The following G6PC1 variants were observed in gnomAD, a reference collection of about 807,000 sequenced individuals.
The protein encoded by G6PC1 is G-6-Pase.
G6PC1 carries 23 observed loss-of-function variants against 30.4 expected under a neutral mutation model. The ratio of observed to expected loss-of-function variants is 0.76; its 90% CI spans 0.55 to 1.07. The LOEUF is 1.07. Ranked by LOEUF, G6PC1 falls within the 50% of genes least tolerant of loss-of-function variation. G6PC1 has a pLI of 0.00. For missense variants in G6PC1, 391 were observed against 433.9 expected (o/e 0.90, Z 0.88); for synonymous variants, 163 against 175.6 (o/e 0.93, Z 0.57).
At position 42,911,373 on chromosome 17, in the gene G6PC1, ATCCCCT is replaced by A. The variant is rs745799712; in HGVS notation, c.1022_1027del (p.Ile341_Tyr343delinsAsn). 1.9e-6 allele frequency: 3 copies of A among 1,614,018 alleles called. No homozygotes were observed. In the Admixed American group the frequency reaches 5.0e-5, roughly 27 times the overall value. On this transcript the variant is annotated inframe_deletion, in exon 5 of 5. Coordinates refer to ENST00000253801, the MANE Select transcript of G6PC1 (RefSeq NM_000151.4). ...AGTGCCCCTGGCATCCGTCAGTGTC[ATCCCCT>A]ACTGCCTCGCCCAGGTCCTGGGCCA...
chr17:42,909,673 A>G lies in G6PC1; in HGVS notation c.562+255A>G, dbSNP rs993796419. On this transcript the variant is annotated intron_variant, in intron 4 of 4. Transcript: ENST00000253801. Reference sequence around the variant, plus strand: ...CCAAATTGAATTAGCTTGAAATCTCAGAGCTTTTTACAATCTTTATTTCTT... The same window carrying G: ...CCAAATTGAATTAGCTTGAAATCTCGGAGCTTTTTACAATCTTTATTTCTT... Among the ~76,000 whole-genome samples the G allele has an allele frequency of 3.3e-5, 5 of 152,212 alleles. No individual in the cohort carries two copies. The South Asian group carries it at 6.2e-4, about 19-fold the overall frequency.
Position 42,911,329 on chromosome 17 carries a change from CCTT to C in G6PC1, c.980_982del (p.Phe327del), listed in dbSNP as rs80356486. On this transcript the variant is annotated inframe_deletion, in exon 5 of 5. Transcript: ENST00000253801. Reference sequence around the variant, plus strand: ...GTCGAGCTGGTCTTCTACGTCTTGTCCTTCTGCAAGAGTGCGGTAGTGCCCCTG... The same window carrying C: ...GTCGAGCTGGTCTTCTACGTCTTGTCCTGCAAGAGTGCGGTAGTGCCCCTG... 4.3e-6 allele frequency: 7 copies of C among 1,614,100 alleles called. No individual in the cohort carries two copies. The highest frequency in any genetic ancestry group is 5.9e-6 in the Non-Finnish European group (7 of 1,180,050).
chr17:42,905,473 CACAT>C (rs1490567779), intron 2 of G6PC1, among the ~76,000 whole-genome samples: 1 of 116,236 alleles, frequency 8.6e-6, no homozygotes, highest in Admixed American at 9.5e-5. Context: ...CACACACACA[CACAT>C]ATAATACTAG....
chr17:42,903,198 T>C (rs1056409766), intron 1 of G6PC1, among the ~76,000 whole-genome samples: 11 of 151,720 alleles, frequency 7.3e-5, no homozygotes, highest in African/African-American at 2.7e-4. Flanking sequence ...TCTCTTGCCT[T>C]AGCCTCCCGA....
chr17:42,911,839 G>A lies in G6PC1; in HGVS notation c.*413G>A, dbSNP rs2056098693. ...TCTTTTACAATCCTAATCATATTGG[G>A]TAATGTTTTTGAAAAGCTAATGAAG... is the stretch of plus-strand genomic sequence containing the variant. On this transcript the variant is annotated 3_prime_UTR_variant, in exon 5 of 5. Transcript: ENST00000253801. 1 of 233,118 alleles carries A rather than the reference G, an allele frequency of 4.3e-6. No homozygotes were observed. Among genetic ancestry groups the A allele is most frequent in the African/African-American group, 2.3e-5 (1 of 43,934 alleles). 14.4% of individuals were successfully genotyped at this position (233,118 alleles called of 1,614,324 possible). A position where few individuals can be genotyped will look rare whatever the true frequency, so the allele number is the denominator to read the frequency against.
rs161627 is a variant in G6PC1 at position 42,907,701 on chromosome 17, A to G, written c.446+73A>G. The G allele has an allele frequency of 0.094, 96,982 of 1,032,876 alleles. 6,246 individuals carry two copies. Among genetic ancestry groups the G allele is most frequent in the African/African-American group, 0.25 (15,986 of 63,446 alleles). The allele number at this position is 1,032,876 out of a possible 1,614,324, so 64.0% of individuals were successfully genotyped here. Reference sequence around the variant, plus strand: ...TCTCTCTGTAGCTGACACACCACGTATTCTTCCTCACATCCCCCTAGCCCG... The same window carrying G: ...TCTCTCTGTAGCTGACACACCACGTGTTCTTCCTCACATCCCCCTAGCCCG... On this transcript the variant is annotated intron_variant, in intron 3 of 4. Coordinates refer to ENST00000253801, the MANE Select transcript of G6PC1 (RefSeq NM_000151.4).
chr17:42,900,994 A>G lies in G6PC1; in HGVS notation c.118A>G (p.Arg40Gly), dbSNP rs376555092. The G allele has an allele frequency of 5.0e-6, 8 of 1,614,062 alleles. No homozygotes were observed. The highest frequency in any genetic ancestry group is 6.8e-6 in the Non-Finnish European group (8 of 1,180,036). Residue 40 changes from arginine (R) to glycine (G), a missense_variant, in exon 1 of 5, where the codon AGG becomes GGG. Physicochemically the swap from Arg to Gly is moderately radical, Grantham distance 125 (BLOSUM62 -2). Transcript: ENST00000253801. ...CTTGGTGTCCGTGATCGCAGACCTC[A>G]GGAATGCCTTCTACGTCCTCTTCCC... Reference protein sequence around the residue: ...FILVSVIADLRNAFYVLFPIW... With the variant: ...FILVSVIADLGNAFYVLFPIW...
intron 3 of G6PC1, 96 bp from the exon 4 acceptor site, chr17:42,909,207 C>T: frequency 1.1e-6 from 1 of 930,850 alleles, no homozygotes; most frequent in Non-Finnish European, 1.8e-6. Context: ...ACTGAGAGCA[C>T]CTAAGTTTGC....
intron 4 of G6PC1, 32 bp downstream of exon 4, chr17:42,909,450 C>A: frequency 6.7e-7 from 1 of 1,497,566 alleles, no homozygotes; most frequent in Non-Finnish European, 9.3e-7. Context: ...TTCCTTCTCC[C>A]CCAAACCCCA....
intron 2 of G6PC1, chr17:42,904,370 C>T: frequency 2.6e-6 from 1 of 381,218 alleles, no homozygotes; most frequent in South Asian, 2.2e-5. Flanking sequence ...AATGGCCTGG[C>T]CCACTGGATG....
chr17:42,903,441 C>T (rs190615510), intron 1 of G6PC1, among the ~76,000 whole-genome samples: 1 of 151,154 alleles, frequency 6.6e-6, no homozygotes, highest in African/African-American at 2.4e-5. Flanking sequence ...CAGTCAGGCA[C>T]GGTGGCTCAT....
At chr17:42,906,331 C>T (rs909958579) in intron 2 of G6PC1, among the ~76,000 whole-genome samples, 3 of 152,110 alleles carry the variant, frequency 2.0e-5, no homozygotes, top group East Asian at 1.9e-4. Context: ...AACCCCACAG[C>T]GAGCTCTGAA....
rs910765808 is a variant in G6PC1, at chr17:42,911,585, G to A, written c.*159G>A. 8 of 1,082,640 alleles carry A rather than the reference G, an allele frequency of 7.4e-6. No homozygotes were observed. In the Admixed American group the frequency reaches 1.4e-4, roughly 19 times the overall value. The allele number at this position is 1,082,640 out of a possible 1,614,324, so 67.1% of individuals were successfully genotyped here. A position where few individuals can be genotyped will look rare whatever the true frequency, so the allele number is the denominator to read the frequency against. ...CGGATGGCAGATTGGAGGGTCGCCTGGCTTATTCCCATGTGTGACTCCAGC... is the reference window on the plus strand; with the variant it reads ...CGGATGGCAGATTGGAGGGTCGCCTAGCTTATTCCCATGTGTGACTCCAGC... On this transcript the variant is annotated 3_prime_UTR_variant, in exon 5 of 5. Transcript: ENST00000253801.
chr17:42,903,123 C>G (rs956945553), intron 1 of G6PC1, among the ~76,000 whole-genome samples: 2 of 149,566 alleles, frequency 1.3e-5, no homozygotes, highest in Non-Finnish European at 3.0e-5. Context: ...GCTCTGTCAC[C>G]CAGCCTGTAG....
At chr17:42,904,398 C>T (rs2056046063) in intron 2 of G6PC1, among the ~76,000 whole-genome samples, 1 of 152,104 alleles carries the variant, frequency 6.6e-6, no homozygotes, top group South Asian at 2.1e-4. Context: ...CTGAGCTGAC[C>T]GTCCAATCCC....
intron 1 of G6PC1, among the ~76,000 whole-genome samples, chr17:42,902,866 T>C (rs371979470): frequency 6.6e-6 from 1 of 152,094 alleles, no homozygotes; most frequent in East Asian, 1.9e-4. Flanking sequence ...CTGATGGAAA[T>C]GCAGGCCATG....
chr17:42,909,863 T>G (rs1393304595), intron 4 of G6PC1, among the ~76,000 whole-genome samples: 1 of 151,642 alleles, frequency 6.6e-6, no homozygotes, highest in East Asian at 1.9e-4. Context: ...AATATGTTTT[T>G]TTTTGTTTTT....
rs1175097478 is a variant in G6PC1 at position 42,911,642 on chromosome 17, G to A, written c.*216G>A. The A allele has an allele frequency of 1.5e-5, 10 of 647,470 alleles. No individual in the cohort carries two copies. In the Admixed American group the frequency reaches 2.6e-4, roughly 17 times the overall value. 40.1% of individuals were successfully genotyped at this position (647,470 alleles called of 1,614,324 possible). On this transcript the variant is annotated 3_prime_UTR_variant, in exon 5 of 5. Coordinates refer to ENST00000253801, the MANE Select transcript of G6PC1 (RefSeq NM_000151.4). ...TCAGCACAGACTCTTTCAGATGGAG[G>A]TGCCATATCACGTACACCATATGCA...
chr17:42,905,211 G>A (rs1053644593), intron 2 of G6PC1, among the ~76,000 whole-genome samples: 3 of 151,868 alleles, frequency 2.0e-5, no homozygotes, highest in Non-Finnish European at 4.4e-5. Context: ...GATCACCTGA[G>A]GTGAGGAGTT....
Sources: gnomAD v4.1 joint callset for allele counts (sites outside exome capture counted in the v4.1 genomes callset) on GRCh38, gnomAD v4.1.1 for gene constraint, MANE v1.5 for transcripts, NCBI Gene and HGNC (gene_info 2026-07-23, HGNC 2026-07-21) for gene names.